TOP6BL: variants seen among roughly 807,000 people sequenced by gnomAD.
The protein encoded by TOP6BL is TOP6B like initiator of meiotic double strand breaks.
At chr11:66,843,354 G>C in the TOP6BL span, 10 of 1,461,162 alleles carry the variant, frequency 6.8e-6, no homozygotes, top group Admixed American at 2.5e-5. Context: ...TCCGCGTCGG[G>C]CCCGGGCGGG....
chr11:66,745,180 G>A, the TOP6BL span, among the ~76,000 whole-genome samples: 222 of 152,220 alleles, frequency 1.5e-3, no homozygotes, highest in African/African-American at 5.2e-3. Flanking sequence ...AGCACCGGCG[G>A]ACACCCAGGG....
the TOP6BL span, among the ~76,000 whole-genome samples, chr11:66,812,660 AGAG>A: frequency 6.6e-6 from 1 of 152,210 alleles, no homozygotes; most frequent in Non-Finnish European, 1.5e-5. Flanking sequence ...CCCATAAGAA[AGAG>A]GATGAAAACG....
chr11:66,747,816 G>T, the TOP6BL span, among the ~76,000 whole-genome samples: 1 of 150,996 alleles, frequency 6.6e-6, no homozygotes, highest in Non-Finnish European at 1.5e-5. Context: ...GATAAGGTCT[G>T]CGTATGTTGT....
At chr11:66,748,429 G>C in the TOP6BL span, 1 of 1,547,978 alleles carries the variant, frequency 6.5e-7, no homozygotes, top group Non-Finnish European at 8.7e-7. Context: ...ATGTATCAAA[G>C]GGAGCATTGC....
chr11:66,843,490 T>A, the TOP6BL span: 1 of 1,479,168 alleles, frequency 6.8e-7, no homozygotes, highest in East Asian at 2.8e-5. Flanking sequence ...CTGCGACTGC[T>A]GTCGGTGTCG....
chr11:66,788,077 C>T, the TOP6BL span: 1 of 943,214 alleles, frequency 1.1e-6, no homozygotes, highest in East Asian at 2.5e-5. Context: ...CTTCTTGGCT[C>T]ACCAGTTTAA....
At chr11:66,748,890 G>GGAAAAAT in the TOP6BL span, among the ~76,000 whole-genome samples, 1 of 138,162 alleles carries the variant, frequency 7.2e-6, no homozygotes, top group East Asian at 2.1e-4. Context: ...AAAAAAAAAA[G>GGAAAAAT]GAAAAATGAT....
the TOP6BL span, among the ~76,000 whole-genome samples, chr11:66,810,906 T>G: frequency 2.0e-5 from 3 of 152,034 alleles, no homozygotes; most frequent in Admixed American, 1.3e-4. Flanking sequence ...CAGGCTCCAA[T>G]TACACATTCC....
chr11:66,797,638 G>A, the TOP6BL span, among the ~76,000 whole-genome samples: 1 of 152,124 alleles, frequency 6.6e-6, no homozygotes, highest in African/African-American at 2.4e-5. Flanking sequence ...CTGAGTAGCT[G>A]GGATTACAGG....
the TOP6BL span, among the ~76,000 whole-genome samples, chr11:66,795,606 A>G: frequency 2.2e-3 from 333 of 152,182 alleles, no homozygotes; most frequent in African/African-American, 7.4e-3. Flanking sequence ...CCAGCCTACA[A>G]TTTCAAATAT....
At chr11:66,789,297 A>G in the TOP6BL span, among the ~76,000 whole-genome samples, 171 of 152,312 alleles carry the variant, frequency 1.1e-3, no homozygotes, top group African/African-American at 3.8e-3. Context: ...ACTTATTTGT[A>G]GTCCAGATTT....
chr11:66,813,944 C>G, the TOP6BL span: 2 of 1,613,406 alleles, frequency 1.2e-6, no homozygotes, highest in African/African-American at 2.7e-5. Context: ...TTCAAAGATA[C>G]CTCTTCTTTA....
At chr11:66,759,273 C>T in the TOP6BL span, among the ~76,000 whole-genome samples, 1 of 152,082 alleles carries the variant, frequency 6.6e-6, no homozygotes, top group Non-Finnish European at 1.5e-5. Context: ...AAGTATGTCT[C>T]ATGCAGTACT....
At chr11:66,833,264 G>C in the TOP6BL span, among the ~76,000 whole-genome samples, 1 of 151,892 alleles carries the variant, frequency 6.6e-6, no homozygotes, top group Non-Finnish European at 1.5e-5. Flanking sequence ...GGCCAGGCTG[G>C]TCTCGAACTC....
chr11:66,769,825 C>A, the TOP6BL span, among the ~76,000 whole-genome samples: 2 of 152,004 alleles, frequency 1.3e-5, no homozygotes, highest in East Asian at 3.9e-4. Flanking sequence ...ACTGCAAGCT[C>A]CACCTCCCGG....
At chr11:66,792,130 T>C in the TOP6BL span, among the ~76,000 whole-genome samples, 1 of 152,140 alleles carries the variant, frequency 6.6e-6, no homozygotes, top group Non-Finnish European at 1.5e-5. Flanking sequence ...AATAATTCTA[T>C]GAGTAGATCT....
At chr11:66,754,958 C>T in the TOP6BL span, among the ~76,000 whole-genome samples, 1 of 152,046 alleles carries the variant, frequency 6.6e-6, no homozygotes, top group Non-Finnish European at 1.5e-5. Context: ...TATCTTCTAC[C>T]TCACCCATAC....
chr11:66,832,124 G>T, the TOP6BL span, among the ~76,000 whole-genome samples: 1 of 149,396 alleles, frequency 6.7e-6, no homozygotes, highest in African/African-American at 2.5e-5. Flanking sequence ...TTGAGACGGA[G>T]TCTCACTCTG....
chr11:66,795,777 T>G, the TOP6BL span: 4 of 152,204 alleles, frequency 2.6e-5, no homozygotes, highest in Admixed American at 1.3e-4. Flanking sequence ...GTCTTCTGAC[T>G]TTTGAGCTTT....
Sources: allele counts gnomAD v4.1 joint callset (sites outside exome capture counted in the v4.1 genomes callset), GRCh38; gene constraint gnomAD v4.1.1; transcripts MANE v1.5; gene names NCBI Gene and HGNC (gene_info 2026-07-23, HGNC 2026-07-21).